Variants in MCM10 observed in about 807,000 individuals in gnomAD.
MCM10 encodes protein MCM10 homolog.
Under a neutral mutation model 109.9 loss-of-function variants are expected in MCM10, and 91 were observed. The ratio of observed to expected loss-of-function variants is 0.83; its 90% CI spans 0.70 to 0.99. The LOEUF is 0.99. MCM10 is among the 50% of genes least tolerant of loss of function. MCM10 has a pLI of 0.00. For missense variants in MCM10, 1,077 were observed against 1,061.2 expected (o/e 1.01, Z -0.21); for synonymous variants, 380 against 387.2 (o/e 0.98, Z 0.22).
chr10:13,181,085 T>G (rs1219481616), intron 7 of MCM10, among the ~76,000 whole-genome samples: 3 of 152,244 alleles, frequency 2.0e-5, no homozygotes, highest in Admixed American at 6.5e-5. Context: ...CAAAATCACT[T>G]TTGACTGAGT....
chr10:13,167,126 C>G (rs1588464480), intron 2 of MCM10, among the ~76,000 whole-genome samples: 1 of 151,994 alleles, frequency 6.6e-6, no homozygotes, highest in African/African-American at 2.4e-5. Context: ...GTGACCCTGT[C>G]TTGAAAAATA....
chr10:13,181,657 C>T (rs1268383596), intron 7 of MCM10, among the ~76,000 whole-genome samples: 5 of 152,102 alleles, frequency 3.3e-5, no homozygotes. Flanking sequence ...CCTGCACATC[C>T]TGCACATGTA....
chr10:13,192,261 C>T lies in MCM10; in HGVS notation c.1523C>T (p.Pro508Leu). The change falls in exon 12 of 20, where the codon CCC becomes CTC. Residue 508 changes from proline (P) to leucine (L), a missense_variant. Pro to Leu is a moderately conservative substitution (Grantham distance 98, BLOSUM62 -3). Transcript: ENST00000378714. Reference sequence around the variant, plus strand: ...TGGTGTTGACCTGGCACAGGAATACCCCAGAAGAGCCTGTCTTGCTCTGAG... The same window carrying T: ...TGGTGTTGACCTGGCACAGGAATACTCCAGAAGAGCCTGTCTTGCTCTGAG... ...IQETRQKLGI[P>L]QKSLSCSEEF... 1 of 1,611,408 alleles carries T rather than the reference C, an allele frequency of 6.2e-7. No individual in the cohort carries two copies. Among genetic ancestry groups the T allele is most frequent in the South Asian group, 1.1e-5 (1 of 90,958 alleles).
chr10:13,177,657 A>C (rs895954054), intron 6 of MCM10, among the ~76,000 whole-genome samples: 6 of 151,748 alleles, frequency 4.0e-5, no homozygotes, highest in Non-Finnish European at 5.9e-5. Context: ...AGATTGCTTG[A>C]GCTCAGGAGT....
At chr10:13,198,850 C>A in intron 16 of MCM10, 43 bp downstream of exon 16, 2 of 1,270,892 alleles carry the variant, frequency 1.6e-6, no homozygotes, top group South Asian at 1.2e-5. Flanking sequence ...TGTCCGATGT[C>A]CTTCAAAGCC....
intron 10 of MCM10, 97 bp from the exon 11 acceptor site, chr10:13,191,202 G>A (rs537654425): frequency 8.9e-6 from 7 of 786,812 alleles, no homozygotes; most frequent in East Asian, 2.5e-5. Context: ...AAACTTTGAC[G>A]GTGTGTGTAA....
At chr10:13,204,677 CATA>C (rs566502994) in intron 18 of MCM10, among the ~76,000 whole-genome samples, 188 of 152,182 alleles carry the variant, frequency 1.2e-3, no homozygotes, top group African/African-American at 4.4e-3. Flanking sequence ...CTAGGATGCA[CATA>C]ATATTTTTTT....
At chr10:13,164,099 G>C (rs1313779490) in intron 1 of MCM10, 29 bp from the exon 2 acceptor site, 1 of 978,798 alleles carries the variant, frequency 1.0e-6, no homozygotes, top group Middle Eastern at 2.2e-4. Context: ...AGAATTGAAA[G>C]TGACATTTCT....
At chr10:13,174,856 C>T (rs995042180) in intron 5 of MCM10, among the ~76,000 whole-genome samples, 15 of 152,238 alleles carry the variant, frequency 9.9e-5, no homozygotes, top group Middle Eastern at 3.4e-3. Context: ...TGGCCGGGGG[C>T]GGTGGTTCAT....
chr10:13,199,140 C>A (rs1229311360), intron 16 of MCM10, among the ~76,000 whole-genome samples: 3 of 152,230 alleles, frequency 2.0e-5, no homozygotes, highest in Non-Finnish European at 4.4e-5. Flanking sequence ...AAGTGATCCT[C>A]CAGCCTTGGC....
At chr10:13,194,535 G>T (rs951927926) in intron 13 of MCM10, among the ~76,000 whole-genome samples, 2 of 148,786 alleles carry the variant, frequency 1.3e-5, no homozygotes, top group Non-Finnish European at 3.0e-5. Context: ...GACACAGCGA[G>T]ACTCTGTCTC....
At chr10:13,171,411 G>A in intron 3 of MCM10, 148 bp downstream of exon 3, 1 of 774,634 alleles carries the variant, frequency 1.3e-6, no homozygotes, top group South Asian at 2.0e-5. Context: ...AATTATATGA[G>A]TTGGTAGATG....
In MCM10 at chr10:13,175,448, T is replaced by C. The variant is rs1834128389; in HGVS notation, c.593-62T>C. 9 of 1,442,492 alleles carry C rather than the reference T, an allele frequency of 6.2e-6. No individual in the cohort carries two copies. In the South Asian group the frequency reaches 8.1e-5, roughly 13 times the overall value. 89.4% of individuals were successfully genotyped at this position (1,442,492 alleles called of 1,614,324 possible). A position where few individuals can be genotyped will look rare whatever the true frequency, so the allele number is the denominator to read the frequency against. On this transcript the variant is annotated intron_variant, in intron 5 of 19. Coordinates refer to ENST00000378714, the MANE Select transcript of MCM10 (RefSeq NM_018518.5). ...AGGAACAAATCCGTAAAAACAAATTTCCAAATTCCGTTCGTGATTATCAGT... is the reference window on the plus strand; with the variant it reads ...AGGAACAAATCCGTAAAAACAAATTCCCAAATTCCGTTCGTGATTATCAGT...
chr10:13,161,891 TATTCATTCATTC>T (rs57090063), intron 1 of MCM10, among the ~76,000 whole-genome samples: 69,871 of 151,750 alleles, frequency 0.46, 16,338 homozygotes, highest in Middle Eastern at 0.59. Context: ...GGCTTTCTTT[TATTCATTCATTC>T]ATTCATTCAT....
At chr10:13,188,440 T>A in intron 9 of MCM10, among the ~76,000 whole-genome samples, 1 of 152,196 alleles carries the variant, frequency 6.6e-6, no homozygotes, top group Non-Finnish European at 1.5e-5. Flanking sequence ...AATGGCACCA[T>A]AAAGTCATCA....
At position 13,171,246 on chromosome 10, in the gene MCM10, C is replaced by T. The variant is rs777105319; in HGVS notation, c.332C>T (p.Thr111Met). The change falls in exon 3 of 20, where the codon ACG becomes ATG. Residue 111 changes from threonine (T) to methionine (M), a missense_variant. By Grantham distance (81) the Thr-to-Met change is moderately conservative. Coordinates refer to ENST00000378714, the MANE Select transcript of MCM10 (RefSeq NM_018518.5). ...GCTCCTGCCCCCAGGCGAGAGAAAA[C>T]GAATGAAGAGTTGCAAGGTGCCCTA... is the stretch of plus-strand genomic sequence containing the variant. ...LPAPAPRREK[T>M]NEELQEELRN... The T allele has an allele frequency of 1.9e-6, 3 of 1,609,586 alleles. No homozygotes were observed. Among genetic ancestry groups the T allele is most frequent in the South Asian group, 1.1e-5 (1 of 90,662 alleles).
At chr10:13,199,893 C>T (rs1834473991) in intron 16 of MCM10, among the ~76,000 whole-genome samples, 1 of 152,156 alleles carries the variant, frequency 6.6e-6, no homozygotes, top group South Asian at 2.1e-4. Flanking sequence ...CGTATGTTCC[C>T]CAAGCTGGTC....
rs758775846 is a variant in MCM10 at position 13,209,301 on chromosome 10, C to A, written c.2616C>A (p.Ser872Arg). The change falls in exon 20 of 20, where the codon AGC (serine) becomes AGA (arginine). Residue 872 changes from serine (S) to arginine (R), a missense_variant. By Grantham distance (110) the Ser-to-Arg change is moderately radical (BLOSUM62 -1). Transcript: ENST00000378714. Reference protein sequence around the residue: ...RGEEHAKFLNSLK With the variant: ...RGEEHAKFLNRLK Reference sequence around the variant, plus strand: ...AAGAACATGCTAAATTTCTGAACAGCCTTAAATAACCCGAACTTCAGACAT... The same window carrying A: ...AAGAACATGCTAAATTTCTGAACAGACTTAAATAACCCGAACTTCAGACAT... 1.2e-6 allele frequency: 2 copies of A among 1,613,046 alleles called. No homozygotes were observed. Among genetic ancestry groups the A allele is most frequent in the Non-Finnish European group, 8.5e-7 (1 of 1,179,540 alleles).
intron 17 of MCM10, 56 bp from the exon 18 acceptor site, chr10:13,204,163 C>T: frequency 6.3e-7 from 1 of 1,588,890 alleles, no homozygotes; most frequent in Non-Finnish European, 8.6e-7. Flanking sequence ...TGCAGCTGAG[C>T]ATTTGTCCTC....
Sources: allele counts gnomAD v4.1 joint callset (sites outside exome capture counted in the v4.1 genomes callset), GRCh38; gene constraint gnomAD v4.1.1; transcripts MANE v1.5; gene names NCBI Gene and HGNC (gene_info 2026-07-23, HGNC 2026-07-21).